The following CRIM1 variants were observed in gnomAD, a reference collection of about 807,000 sequenced individuals.
CRIM1 encodes cysteine-rich motor neuron 1 protein.
A neutral mutation model predicts 116.4 loss-of-function variants in CRIM1; 32 were observed. The ratio of observed to expected loss-of-function variants is 0.27; its 90% CI spans 0.21 to 0.37. The LOEUF is 0.37. Ranked by LOEUF, CRIM1 falls within the 10% of genes least tolerant of loss-of-function variation. The pLI, the probability that CRIM1 is intolerant of heterozygous loss-of-function variation, is 1.00. For missense variants in CRIM1, 1,331 were observed against 1,354.8 expected (o/e 0.98, Z 0.28); for synonymous variants, 590 against 509.2 (o/e 1.16, Z -2.13).
intron 14 of CRIM1, among the ~76,000 whole-genome samples, chr2:36,542,290 TTTG>T (rs1421500752): frequency 4.6e-5 from 7 of 152,222 alleles, no homozygotes; most frequent in African/African-American, 1.4e-4. Context: ...TCAGGAAATA[TTTG>T]TTGAACAAAT....
intron 1 of CRIM1, among the ~76,000 whole-genome samples, chr2:36,379,726 ATTTC>A (rs1397752165): frequency 9.0e-6 from 1 of 110,584 alleles, no homozygotes; most frequent in Non-Finnish European, 1.9e-5. Flanking sequence ...CAGGGATTCT[ATTTC>A]TTTCTTTCTC....
Position 36,533,208 on chromosome 2 carries a change from C to T in CRIM1, c.2429-4144C>T, listed in dbSNP as rs529263645. ...ATAGCTACCACATCTCCCTTTAAAC[C>T]TGGTAGCTTCCAAAACTTCCTGATG... On this transcript the variant is annotated intron_variant, in intron 13 of 16. Transcript: ENST00000280527. 2.0e-5 allele frequency among the ~76,000 whole-genome samples: 3 copies of T among 152,200 alleles called. No individual in the cohort carries two copies. The South Asian group carries it at 6.2e-4, about 32-fold the overall frequency.
chr2:36,463,718 G>C (rs1488268411), intron 4 of CRIM1, among the ~76,000 whole-genome samples: 1 of 152,158 alleles, frequency 6.6e-6, no homozygotes, highest in East Asian at 1.9e-4. Flanking sequence ...GTATTTGCCA[G>C]GCTTCTGCGT....
intron 1 of CRIM1, among the ~76,000 whole-genome samples, chr2:36,394,535 T>C (rs979784725): frequency 2.0e-5 from 3 of 152,136 alleles, no homozygotes; most frequent in African/African-American, 7.2e-5. Context: ...AATTTCATTG[T>C]TGTCTTGAAG....
intron 2 of CRIM1, among the ~76,000 whole-genome samples, chr2:36,406,631 C>T (rs1249473163): frequency 1.4e-5 from 2 of 143,168 alleles, no homozygotes; most frequent in African/African-American, 5.2e-5. Flanking sequence ...CTCCCCCCCC[C>T]CCAAAAAAAA....
chr2:36,390,902 C>CAATTCAAGCAATTCTCCCAATTCA (rs1671526448), intron 1 of CRIM1, among the ~76,000 whole-genome samples: 1 of 151,592 alleles, frequency 6.6e-6, no homozygotes, highest in Middle Eastern at 3.2e-3. Context: ...CTCCACCTCC[C>CAATTCAAGCAATTCTCCCAATTCA]AGGTTCAAGC....
rs892134652 is a variant in CRIM1 at position 36,548,266 on chromosome 2, T to G, written c.2935-259T>G. Among the ~76,000 whole-genome samples the G allele has an allele frequency of 2.3e-5, 3 of 128,320 alleles. No individual in the cohort carries two copies. In the East Asian group the frequency reaches 8.6e-4, roughly 37 times the overall value. The allele number at this position is 128,320 out of a possible 152,430, so 84.2% of individuals were successfully genotyped here. On this transcript the variant is annotated intron_variant, in intron 16 of 16. Coordinates refer to ENST00000280527, the MANE Select transcript of CRIM1 (RefSeq NM_016441.3). Reference sequence around the variant, plus strand: ...CAAGGATTTGAAATCATTTCACCAGTCTTTTTTTTTTTTTTTTCAGTTCCT... The same window carrying G: ...CAAGGATTTGAAATCATTTCACCAGGCTTTTTTTTTTTTTTTTCAGTTCCT...
rs556234027 is a variant in CRIM1 at position 36,470,005 on chromosome 2, T to C, written c.991+5350T>C. Among the ~76,000 whole-genome samples, 9 of 152,344 alleles carry C rather than the reference T, an allele frequency of 5.9e-5. No individual in the cohort carries two copies. In the East Asian group the frequency reaches 9.6e-4, roughly 16 times the overall value. ...ACTAGCAAACATATTTTTAGTCTTA[T>C]AGTATTTAATACCGAGCCATTAATT... On this transcript the variant is annotated intron_variant, in intron 5 of 16. Transcript: ENST00000280527.
intron 2 of CRIM1, among the ~76,000 whole-genome samples, chr2:36,403,791 C>A (rs1004079844): frequency 6.6e-6 from 1 of 151,920 alleles, no homozygotes; most frequent in Non-Finnish European, 1.5e-5. Context: ...AGGAGAGCAG[C>A]TTTGTGGGAG....
intron 7 of CRIM1, among the ~76,000 whole-genome samples, chr2:36,496,329 A>T (rs1183648225): frequency 6.6e-6 from 1 of 152,204 alleles, no homozygotes; most frequent in Non-Finnish European, 1.5e-5. Flanking sequence ...GGGAAATTGA[A>T]TAGTTCTAAT....
intron 1 of CRIM1, among the ~76,000 whole-genome samples, chr2:36,370,640 G>A (rs553928096): frequency 6.6e-5 from 10 of 152,296 alleles, no homozygotes; most frequent in African/African-American, 2.4e-4. Flanking sequence ...AAAATTGTGT[G>A]TGAATATGTA....
intron 7 of CRIM1, among the ~76,000 whole-genome samples, chr2:36,492,947 A>G (rs1053353374): frequency 6.6e-6 from 1 of 152,206 alleles, no homozygotes; most frequent in Non-Finnish European, 1.5e-5. Flanking sequence ...GTCTCTCATA[A>G]TCAAATAAGC....
At chr2:36,501,445 G>A (rs564014497) in intron 8 of CRIM1, among the ~76,000 whole-genome samples, 19 of 152,234 alleles carry the variant, frequency 1.2e-4, no homozygotes, top group Middle Eastern at 3.4e-3. Context: ...TTGGCCAGGC[G>A]TGGTGGCTCA....
At chr2:36,397,668 A>G (rs1672124109) in intron 2 of CRIM1, among the ~76,000 whole-genome samples, 3 of 152,224 alleles carry the variant, frequency 2.0e-5, no homozygotes, top group Admixed American at 2.0e-4. Flanking sequence ...AATCAAGCTT[A>G]TAAGGGCAGT....
intron 2 of CRIM1, among the ~76,000 whole-genome samples, chr2:36,416,008 G>C (rs939140415): frequency 6.6e-6 from 1 of 152,194 alleles, no homozygotes; most frequent in African/African-American, 2.4e-5. Flanking sequence ...AGGAGTTCAA[G>C]ACCAGCCAGG....
At chr2:36,365,569 A>G (rs908023265) in intron 1 of CRIM1, among the ~76,000 whole-genome samples, 4 of 152,176 alleles carry the variant, frequency 2.6e-5, no homozygotes, top group Admixed American at 2.6e-4. Flanking sequence ...GATGTGGACT[A>G]ATAGTCGAGG....
intron 5 of CRIM1, among the ~76,000 whole-genome samples, chr2:36,464,901 A>G (rs1483055321): frequency 6.6e-6 from 1 of 152,178 alleles, no homozygotes. Context: ...TAGCTGTCAT[A>G]CTCAGCTGTG....
In CRIM1 at chr2:36,438,419, A is replaced by G. The variant is rs945556812; in HGVS notation, c.506-2839A>G. Among the ~76,000 whole-genome samples the G allele has an allele frequency of 3.3e-5, 5 of 152,210 alleles. No homozygotes were observed. The East Asian group carries it at 7.7e-4, about 23-fold the overall frequency. On this transcript the variant is annotated intron_variant, in intron 2 of 16. Transcript: ENST00000280527. ...TACCAAATGCAGTTTACAAACTCCA[A>G]CTTAATCTGCATACATTCAAGATTC...
chr2:36,522,132 A>T lies in CRIM1; in HGVS notation c.2247A>T (p.Val749=). Residue 749 remains valine, a synonymous_variant, in exon 13 of 17, where the codon GTA becomes GTT. Coordinates refer to ENST00000280527, the MANE Select transcript of CRIM1 (RefSeq NM_016441.3). Reference sequence around the variant, plus strand: ...CTTCCTTGTCCCGCAATAACAGCGTACCTAATTACTGCAAAAATGATGAAG... The same window carrying T: ...CTTCCTTGTCCCGCAATAACAGCGTTCCTAATTACTGCAAAAATGATGAAG... ...FRPSLSRNNS[V]PNYCKNDEGD... is the part of the protein sequence containing the mutation. The T allele has an allele frequency of 3.1e-6, 5 of 1,614,164 alleles. No homozygotes were observed. Among genetic ancestry groups the T allele is most frequent in the Non-Finnish European group, 4.2e-6 (5 of 1,180,014 alleles).
Sources: allele counts gnomAD v4.1 joint callset (sites outside exome capture counted in the v4.1 genomes callset), GRCh38; gene constraint gnomAD v4.1.1; transcripts MANE v1.5; gene names NCBI Gene and HGNC (gene_info 2026-07-23, HGNC 2026-07-21).